The following RBM4 variants were observed in gnomAD, a reference collection of about 807,000 sequenced individuals.
RBM4 encodes the protein RNA-binding protein 4.
RBM4 carries 7 observed loss-of-function variants against 29.5 expected under a neutral mutation model. The ratio of observed to expected loss-of-function variants is 0.24; its 90% CI spans 0.14 to 0.45. The LOEUF is 0.45. Among genes scored for constraint, RBM4 ranks in the 20% least tolerant of loss-of-function variants. The pLI is 1.00. For synonymous variants in RBM4, 220 were observed against 205.4 expected (o/e 1.07, Z -0.61); for missense variants, 387 against 502.3 (o/e 0.77, Z 2.19).
intron 2 of RBM4, among the ~76,000 whole-genome samples, chr11:66,663,720 G>GTT (rs751530853): frequency 6.6e-6 from 1 of 151,618 alleles, no homozygotes; most frequent in African/African-American, 2.4e-5. Context: ...GTGTGTGTGT[G>GTT]TGTGTGTGTA....
At chr11:66,662,151 T>A (rs1290921125) in intron 2 of RBM4, among the ~76,000 whole-genome samples, 2 of 152,214 alleles carry the variant, frequency 1.3e-5, no homozygotes, top group Non-Finnish European at 2.9e-5. Context: ...TATTTTACTA[T>A]CTAAACTGCT....
chr11:66,658,337 C>CTTTTTTTTTTTTTTTTTTT (rs35133059), intron 2 of RBM4, among the ~76,000 whole-genome samples: 4 of 50,464 alleles, frequency 7.9e-5, no homozygotes, highest in Non-Finnish European at 1.0e-4. Flanking sequence ...CTAGTCTGAC[C>CTTTTTTTTTTTTTTTTTTT]TTTTTTTTTT....
intron 1 of RBM4, chr11:66,638,979 G>C (rs1279045420): frequency 6.6e-6 from 1 of 151,704 alleles, no homozygotes; most frequent in Non-Finnish European, 1.5e-5. Context: ...CGACATGGCT[G>C]CTCTTGGAGC....
At chr11:66,644,674 A>C (rs1938615427) in intron 3 of RBM4, 1 of 984,488 alleles carries the variant, frequency 1.0e-6, no homozygotes, top group Admixed American at 6.0e-5. Flanking sequence ...GCATCATCTT[A>C]ATCTTGAAGC....
chr11:66,641,557 A>C (rs1438364354), intron 2 of RBM4, among the ~76,000 whole-genome samples: 5 of 152,194 alleles, frequency 3.3e-5, no homozygotes, highest in Non-Finnish European at 7.3e-5. Flanking sequence ...TGTTTCCCAC[A>C]CTTCAGCCCA....
chr11:66,649,934 C>A, downstream of RBM4: 1 of 550,816 alleles, frequency 1.8e-6, no homozygotes, highest in Non-Finnish European at 3.2e-6. Flanking sequence ...TCCCCCATAG[C>A]ATTTCACTGT....
At chr11:66,657,645 T>C (rs12805826) in intron 2 of RBM4, among the ~76,000 whole-genome samples, 1 of 131,238 alleles carries the variant, frequency 7.6e-6, no homozygotes, top group African/African-American at 3.0e-5. Context: ...ATAGCGCCAC[T>C]GCACTCTAGC....
intron 2 of RBM4, among the ~76,000 whole-genome samples, chr11:66,652,720 T>C (rs985581722): frequency 6.6e-6 from 1 of 152,034 alleles, no homozygotes; most frequent in African/African-American, 2.4e-5. Context: ...CAAAATTGGG[T>C]TGGTTTCGGG....
chr11:66,640,517 G>A, intron 2 of RBM4: 1 of 386,400 alleles, frequency 2.6e-6, no homozygotes, highest in East Asian at 4.0e-5. Flanking sequence ...TTTACGTGAA[G>A]AACCTCTCAA....
exon 3 of RBM4, chr11:66,666,058 T>A: frequency 8.7e-7 from 1 of 1,145,446 alleles, no homozygotes; most frequent in Non-Finnish European, 1.2e-6. Flanking sequence ...TCACAAGGGG[T>A]AGGATATCAA....
exon 3 of RBM4, chr11:66,666,661 T>C (rs941057254): frequency 1.3e-5 from 2 of 154,172 alleles, no homozygotes; most frequent in African/African-American, 4.8e-5. Flanking sequence ...ATCTGATAGA[T>C]TTATACCAGC....
At chr11:66,638,828 G>C (rs905573577) in intron 1 of RBM4, 76 bp downstream of exon 1, 1 of 152,370 alleles carries the variant, frequency 6.6e-6, no homozygotes, top group Admixed American at 6.5e-5. Context: ...CTTCGGGGGT[G>C]TCCTGGTAGG....
rs1938564562 is a variant in RBM4 at position 66,643,680 on chromosome 11, T to G, written c.643T>G (p.Tyr215Asp). ...GGATTCATTGTATTACAACAACGCG[T>G]ACGGAGCGCTCGATGCCTACTACAA... ...YGDSLYYNNAYGALDAYYKRC... is the reference protein window; with the variant it reads ...YGDSLYYNNADGALDAYYKRC... Residue 215 changes from tyrosine to aspartate, a missense_variant, in exon 3 of 4, where the codon TAC becomes GAC. Physicochemically the swap from Tyr to Asp is radical, Grantham distance 160 (BLOSUM62 -3). Coordinates refer to ENST00000310092, the MANE Select transcript of RBM4 (RefSeq NM_002896.4). The surrounding 1 kb of genome is among the most constrained non-coding windows in gnomAD (Gnocchi z 6.1). The G allele has an allele frequency of 6.2e-7, 1 of 1,614,072 alleles. No individual in the cohort carries two copies. The highest frequency in any genetic ancestry group is 1.3e-5 in the African/African-American group (1 of 74,906).
downstream of RBM4, among the ~76,000 whole-genome samples, chr11:66,650,469 G>T (rs574191452): frequency 6.6e-6 from 1 of 152,044 alleles, no homozygotes; most frequent in East Asian, 1.9e-4. Context: ...TGCTTGGGAG[G>T]CTGAGGCAGA....
chr11:66,667,380 A>T (rs1053106134), exon 3 of RBM4: 1 of 152,170 alleles, frequency 6.6e-6, no homozygotes, highest in African/African-American at 2.4e-5. Flanking sequence ...CACATCTGAA[A>T]ATTACCAGTT....
chr11:66,666,252 G>GAA, exon 3 of RBM4: 1 of 1,023,552 alleles, frequency 9.8e-7, no homozygotes, highest in Non-Finnish European at 1.2e-6. Context: ...ATGGCTGGGG[G>GAA]AAAAAAAAAG....
chr11:66,663,250 G>A (rs1310855237), intron 2 of RBM4, among the ~76,000 whole-genome samples: 6 of 152,200 alleles, frequency 3.9e-5, no homozygotes, highest in Non-Finnish European at 8.8e-5. Context: ...TCATTAATAT[G>A]TGATTTGCTT....
At chr11:66,657,794 G>A (rs112859513) in intron 2 of RBM4, among the ~76,000 whole-genome samples, 2,066 of 148,272 alleles carry the variant, frequency 0.014, 49 homozygotes, top group African/African-American at 0.049. Context: ...CTGGAGTGCC[G>A]TGTTCAACCT....
Position 66,646,452 on chromosome 11 carries a change from A to C in RBM4, c.*434A>C. 2.0e-6 allele frequency: 2 copies of C among 1,011,926 alleles called. No homozygotes were observed. Among genetic ancestry groups the C allele is most frequent in the Non-Finnish European group, 2.4e-6 (2 of 847,156 alleles). The allele number at this position is 1,011,926 out of a possible 1,614,324, so 62.7% of individuals were successfully genotyped here. On this transcript the variant is annotated 3_prime_UTR_variant, in exon 4 of 4. Coordinates refer to ENST00000310092, the MANE Select transcript of RBM4 (RefSeq NM_002896.4). ...CACTTTTTTTCTTTCCGGTGAAATA[A>C]ATGGTTTTTCAACTTAGGGTATGTG...
Sources: gnomAD v4.1 joint callset for allele counts (sites outside exome capture counted in the v4.1 genomes callset) on GRCh38, gnomAD v4.1.1 for gene constraint, Gnocchi (gnomAD v3.1) non-coding constraint, MANE v1.5 for transcripts, NCBI Gene and HGNC (gene_info 2026-07-23, HGNC 2026-07-21) for gene names.